Variants in STUB1 observed in about 807,000 individuals in gnomAD.
STUB1 encodes the protein STIP1 homology and U-box containing protein 1.
Under a neutral mutation model 40.3 loss-of-function variants are expected in STUB1, and 37 were observed. That is an observed-to-expected ratio of 0.92 (90% CI 0.71 to 1.21). The LOEUF (loss-of-function observed/expected upper bound fraction) is 1.21, where lower values mean the gene tolerates loss of function less well. STUB1 is among the 50% of genes most tolerant of loss of function. The pLI is 0.00. For synonymous variants in STUB1, 246 were observed against 171.9 expected (o/e 1.43, Z -3.37); for missense variants, 460 against 421.9 (o/e 1.09, Z -0.79).
In STUB1 at chr16:680,425, C is replaced by A; in HGVS notation, c.-101C>A. On this transcript the variant is annotated 5_prime_UTR_variant, in exon 1 of 7. Coordinates refer to ENST00000219548, the MANE Select transcript of STUB1 (RefSeq NM_005861.4). The surrounding 1 kb of genome is among the most constrained non-coding windows in gnomAD (Gnocchi z 4.9). Reference sequence around the variant, plus strand: ...TTCCGGCGGCGGAGCTGGGCCGGGCCCGAGCGGATCGCGGGCTCGGGCTGC... The same window carrying A: ...TTCCGGCGGCGGAGCTGGGCCGGGCACGAGCGGATCGCGGGCTCGGGCTGC... 5 of 1,072,974 alleles carry A rather than the reference C, an allele frequency of 4.7e-6. No homozygotes were observed. The highest frequency in any genetic ancestry group is 5.7e-6 in the Non-Finnish European group (5 of 872,078). 66.5% of individuals were successfully genotyped at this position (1,072,974 alleles called of 1,614,324 possible). A position where few individuals can be genotyped will look rare whatever the true frequency, so the allele number is the denominator to read the frequency against.
Position 682,274 on chromosome 16 carries a change from A to C in STUB1, c.779A>C (p.His260Pro), listed in dbSNP as rs2151506687. The change falls in exon 6 of 7, where the codon CAC (histidine) becomes CCC (proline). Residue 260 changes from histidine to proline, a missense_variant. His to Pro is a moderately conservative substitution (Grantham distance 77, BLOSUM62 -2). Coordinates refer to ENST00000219548, the MANE Select transcript of STUB1 (RefSeq NM_005861.4). ...TACGACCGCAAGGACATCGAGGAGC[A>C]CCTGCAGGTGAGGCCTGCGGCTGGG... The part of the protein sequence containing the change: ...ITYDRKDIEE[H>P]LQRVGHFDPV... 2 of 1,583,184 alleles carry C rather than the reference A, an allele frequency of 1.3e-6. No individual in the cohort carries two copies. The highest frequency in any genetic ancestry group is 1.7e-6 in the Non-Finnish European group (2 of 1,173,006).
Position 682,295 on chromosome 16 carries a change from CT to C in STUB1, c.786+15del. 6.2e-7 allele frequency: 1 copy of C among 1,612,608 alleles called. No homozygotes were observed. Among genetic ancestry groups the C allele is most frequent in the Non-Finnish European group, 8.5e-7 (1 of 1,179,818 alleles). The stretch of plus-strand genomic sequence containing the variant: ...GAGCACCTGCAGGTGAGGCCTGCGG[CT>C]GGGGGAGCAGGGCCAGTGGCATGGT... On this transcript the variant is annotated intron_variant, in intron 6 of 6. Coordinates refer to ENST00000219548, the MANE Select transcript of STUB1 (RefSeq NM_005861.4).
chr16:681,253 G>A lies in STUB1; in HGVS notation c.261G>A (p.Leu87=), dbSNP rs2039646986. ...EQALADCRRA[L]ELDGQSVKAH... is the part of the protein sequence containing the mutation. Reference sequence around the variant, plus strand: ...CCCTGGCCGACTGCCGGCGCGCCCTGGAGCTGGACGGGCAGTCTGTGAAGG... The same window carrying A: ...CCCTGGCCGACTGCCGGCGCGCCCTAGAGCTGGACGGGCAGTCTGTGAAGG... The change falls in exon 2 of 7, where the codon CTG becomes CTA. Residue 87 remains leucine, a synonymous_variant. Coordinates refer to ENST00000219548, the MANE Select transcript of STUB1 (RefSeq NM_005861.4). 1 of 1,612,730 alleles carries A rather than the reference G, an allele frequency of 6.2e-7. No individual in the cohort carries two copies. Among genetic ancestry groups the A allele is most frequent in the South Asian group, 1.1e-5 (1 of 91,064 alleles).
chr16:681,589 C>A lies in STUB1; in HGVS notation c.510C>A (p.Ala170=). The A allele has an allele frequency of 6.2e-7, 1 of 1,608,830 alleles. No individual in the cohort carries two copies. ...ACTCCTACCTCTCCAGGCTCATTGC[C>A]GCGGAGCGTGAGAGGTGGGACCCTC... is the stretch of plus-strand genomic sequence containing the variant. ...ELHSYLSRLI[A]AERERELEEC... The change falls in exon 3 of 7, where the codon GCC becomes GCA. Residue 170 remains alanine (A), a synonymous_variant. Coordinates refer to ENST00000219548, the MANE Select transcript of STUB1 (RefSeq NM_005861.4).
At chr16:681,938 T>A in intron 4 of STUB1, 58 bp downstream of exon 4, 1 of 1,611,000 alleles carries the variant, frequency 6.2e-7, no homozygotes, top group Non-Finnish European at 8.5e-7. Flanking sequence ...CGTGGGAGCA[T>A]CCCCGCCTTG....
rs1330157253 is a variant in STUB1, at chr16:681,362, A to G, written c.358+12A>G. ...CAATCTGCAGCGAGGTTGGCTGACA[A>G]GCTGCCCGGTTGTGGGGCCTCTGGG... On this transcript the variant is annotated intron_variant, in intron 2 of 6. Transcript: ENST00000219548. 1.2e-6 allele frequency: 2 copies of G among 1,612,506 alleles called. No individual in the cohort carries two copies. Among genetic ancestry groups the G allele is most frequent in the Non-Finnish European group, 1.7e-6 (2 of 1,179,714 alleles).
In STUB1 at chr16:682,003, C is replaced by G; in HGVS notation, c.613-17C>G. 2 of 1,609,648 alleles carry G rather than the reference C, an allele frequency of 1.2e-6. No individual in the cohort carries two copies. Among genetic ancestry groups the G allele is most frequent in the Non-Finnish European group, 1.7e-6 (2 of 1,176,994 alleles). Reference sequence around the variant, plus strand: ...GGTGGGGTGTCTCCCCCAAGCACAGCACTCAACTCTTCACAGGACAAGTAC... The same window carrying G: ...GGTGGGGTGTCTCCCCCAAGCACAGGACTCAACTCTTCACAGGACAAGTAC... On this transcript the variant is annotated splice_polypyrimidine_tract_variant and intron_variant, in intron 4 of 6. Coordinates refer to ENST00000219548, the MANE Select transcript of STUB1 (RefSeq NM_005861.4).
Position 680,889 on chromosome 16 carries a change from A to T in STUB1, c.159+205A>T. 1 of 567,504 alleles carries T rather than the reference A, an allele frequency of 1.8e-6. No individual in the cohort carries two copies. The highest frequency in any genetic ancestry group is 2.9e-5 in the South Asian group (1 of 34,252). 35.2% of individuals were successfully genotyped at this position (567,504 alleles called of 1,614,324 possible). On this transcript the variant is annotated intron_variant, in intron 1 of 6. Coordinates refer to ENST00000219548, the MANE Select transcript of STUB1 (RefSeq NM_005861.4). This position sits in a 1 kb window ranked among gnomAD's most constrained non-coding sequence, Gnocchi z 4.9. ...GAGGCCGGCCGGGTGGGGGGAGGGC[A>T]GGGGCCCTCGACCCTTGAGGACCCC...
intron 5 of STUB1, 30 bp downstream of exon 5, chr16:682,106 T>C: frequency 6.3e-7 from 1 of 1,582,934 alleles, no homozygotes; most frequent in Non-Finnish European, 8.6e-7. Context: ...TGCCGATGGC[T>C]GGCAGGTGCT....
At chr16:681,408 A>C (rs1238966228) in intron 2 of STUB1, 30 bp from the exon 3 acceptor site, 1 of 1,610,628 alleles carries the variant, frequency 6.2e-7, no homozygotes, top group Non-Finnish European at 8.5e-7. Flanking sequence ...TGGACTGGCC[A>C]GAGAGTGACG....
At chr16:681,983 G>C (rs780491941) in intron 4 of STUB1, 37 bp from the exon 5 acceptor site, 1 of 1,612,524 alleles carries the variant, frequency 6.2e-7, no homozygotes, top group Non-Finnish European at 8.5e-7. Context: ...AGGGAGGTGG[G>C]GTGTCTCCCC....
At position 682,665 on chromosome 16, in the gene STUB1, T is replaced by A. The variant is rs2039721101; in HGVS notation, c.*176T>A. On this transcript the variant is annotated 3_prime_UTR_variant, in exon 7 of 7. Transcript: ENST00000219548. Reference sequence around the variant, plus strand: ...TTGCTGGGCCGTGATCGTCCCCCTTTGTGGGCTGGAAAAGCAGGTGAGGGT... The same window carrying A: ...TTGCTGGGCCGTGATCGTCCCCCTTAGTGGGCTGGAAAAGCAGGTGAGGGT... 1 of 1,407,258 alleles carries A rather than the reference T, an allele frequency of 7.1e-7. No homozygotes were observed. The highest frequency in any genetic ancestry group is 1.4e-5 in the African/African-American group (1 of 71,032). 87.2% of individuals were successfully genotyped at this position (1,407,258 alleles called of 1,614,324 possible). A position where few individuals can be genotyped will look rare whatever the true frequency, so the allele number is the denominator to read the frequency against.
rs540869195 is a variant in STUB1, at chr16:681,677, G to A, written c.524+74G>A. On this transcript the variant is annotated intron_variant, in intron 3 of 6. Coordinates refer to ENST00000219548, the MANE Select transcript of STUB1 (RefSeq NM_005861.4). ...CCGACTCCCGACACAAGCGTTTATCGAAGGCTTTACTGGCAAGCAGGAAAT... is the reference window on the plus strand; with the variant it reads ...CCGACTCCCGACACAAGCGTTTATCAAAGGCTTTACTGGCAAGCAGGAAAT... The A allele has an allele frequency of 1.2e-5, 19 of 1,562,080 alleles. 1 individual carries two copies. The highest frequency in any genetic ancestry group is 5.4e-5 in the African/African-American group (4 of 73,742).
In STUB1 at chr16:682,230, C is replaced by T. The variant is rs750898781; in HGVS notation, c.735C>T (p.Ile245=). The change falls in exon 6 of 7, where the codon ATC becomes ATT. Residue 245 remains isoleucine, a synonymous_variant. Coordinates refer to ENST00000219548, the MANE Select transcript of STUB1 (RefSeq NM_005861.4). ...TTGAGCTGATGCGGGAGCCGTGCATCACGCCCAGTGGCATCACCTACGACC... is the reference window on the plus strand; with the variant it reads ...TTGAGCTGATGCGGGAGCCGTGCATTACGCCCAGTGGCATCACCTACGACC... ...ISFELMREPC[I]TPSGITYDRK... The T allele has an allele frequency of 1.5e-5, 24 of 1,613,004 alleles. No individual in the cohort carries two copies. The highest frequency in any genetic ancestry group is 1.9e-5 in the Non-Finnish European group (23 of 1,180,010).
rs1459732338 is a variant in STUB1 at position 680,581 on chromosome 16, G to T, written c.56G>T (p.Ser19Ile). Reference sequence around the variant, plus strand: ...GCACGGCTGGGCGCTGGCGGCGGAAGCCCCGAGAAGAGCCCGAGCGCGCAG... The same window carrying T: ...GCACGGCTGGGCGCTGGCGGCGGAATCCCCGAGAAGAGCCCGAGCGCGCAG... ...GGARLGAGGG[S>I]PEKSPSAQEL... Residue 19 changes from serine to isoleucine, a missense_variant, in exon 1 of 7, where the codon AGC becomes ATC. Physicochemically the swap from Ser to Ile is moderately radical, Grantham distance 142. Transcript: ENST00000219548. This position sits in a 1 kb window ranked among gnomAD's most constrained non-coding sequence, Gnocchi z 4.9. The T allele has an allele frequency of 1.4e-6, 2 of 1,390,514 alleles. No individual in the cohort carries two copies. The highest frequency in any genetic ancestry group is 2.8e-5 in the Admixed American group (1 of 35,558). The allele number at this position is 1,390,514 out of a possible 1,614,324, so 86.1% of individuals were successfully genotyped here. A position where few individuals can be genotyped will look rare whatever the true frequency, so the allele number is the denominator to read the frequency against.
Position 682,091 on chromosome 16 carries a change from C to T in STUB1, c.669+15C>T. The T allele has an allele frequency of 6.3e-7, 1 of 1,581,598 alleles. No homozygotes were observed. The highest frequency in any genetic ancestry group is 8.6e-7 in the Non-Finnish European group (1 of 1,157,720). ...AGAAGAGGAAGGTGAGTGTGTGTCG[C>T]TTGCTGCCGATGGCTGGCAGGTGCT... is the stretch of plus-strand genomic sequence containing the variant. On this transcript the variant is annotated intron_variant, in intron 5 of 6. Coordinates refer to ENST00000219548, the MANE Select transcript of STUB1 (RefSeq NM_005861.4).
chr16:681,520 G>A lies in STUB1; in HGVS notation c.441G>A (p.Trp147Ter), dbSNP rs587777342. Residue 147 changes from tryptophan to a stop codon, truncating the protein, a stop_gained, in exon 3 of 7, where the codon TGG (tryptophan) becomes TGA (stop). Coordinates refer to ENST00000219548, the MANE Select transcript of STUB1 (RefSeq NM_005861.4). LOFTEE classifies it high-confidence loss of function. ...TTCGAATCGCGAAGAAGAAGCGCTGGAACAGCATTGAGGAGCGGCGCATCC... is the reference window on the plus strand; with the variant it reads ...TTCGAATCGCGAAGAAGAAGCGCTGAAACAGCATTGAGGAGCGGCGCATCC... ...SALRIAKKKR[W>*]NSIEERRIHQ... is the part of the protein sequence containing the mutation. 1 of 1,612,468 alleles carries A rather than the reference G, an allele frequency of 6.2e-7. No individual in the cohort carries two copies. Among genetic ancestry groups the A allele is most frequent in the Non-Finnish European group, 8.5e-7 (1 of 1,179,940 alleles).
intron 6 of STUB1, 30 bp from the exon 7 acceptor site, chr16:682,334 G>T (rs2039701155): frequency 6.2e-7 from 1 of 1,612,958 alleles, no homozygotes; most frequent in Non-Finnish European, 8.5e-7. Flanking sequence ...TGGGCCCCAT[G>T]ACTGCCCTCT....
chr16:682,754 C>T lies in STUB1; in HGVS notation c.*265C>T, dbSNP rs781065784. On this transcript the variant is annotated 3_prime_UTR_variant, in exon 7 of 7. Coordinates refer to ENST00000219548, the MANE Select transcript of STUB1 (RefSeq NM_005861.4). The stretch of plus-strand genomic sequence containing the variant: ...TAAAATCCGTGAGCACGAGGTGGGA[C>T]GTGCTGGTGTGTGACCGGCAGTCCT... The T allele has an allele frequency of 2.2e-5, 36 of 1,601,054 alleles. No homozygotes were observed. Among genetic ancestry groups the T allele is most frequent in the East Asian group, 6.7e-5 (3 of 44,776 alleles).
Sources: allele counts gnomAD v4.1 joint callset, GRCh38; gene constraint gnomAD v4.1.1; non-coding constraint Gnocchi (gnomAD v3.1); transcripts MANE v1.5; gene names NCBI Gene and HGNC (gene_info 2026-07-23, HGNC 2026-07-21).